Variants in RPS3A observed in about 807,000 individuals in gnomAD.
The protein encoded by RPS3A is ribosomal protein S3A, also known as small ribosomal subunit protein eS1.
In RPS3A, 1 loss-of-function variant was observed where a neutral mutation model predicts 26.4. That is an observed-to-expected ratio of 0.04 (90% CI 0.01 to 0.18). The LOEUF is 0.18. RPS3A is among the 10% of genes least tolerant of loss of function. The pLI, the probability that RPS3A is intolerant of heterozygous loss-of-function variation, is 1.00. For missense variants in RPS3A, 139 were observed against 326.8 expected, an observed-to-expected ratio of 0.43 and a Z score of 4.43; for synonymous variants, 97 against 106.1, an observed-to-expected ratio of 0.91 and a Z score of 0.53.
At chr4:151,099,825 G>A (rs1014554580) in intron 1 of RPS3A, 111 bp downstream of exon 1, 9 of 1,207,124 alleles carry the variant, frequency 7.5e-6, no homozygotes, top group Non-Finnish European at 1.1e-5. Context: ...CGGATTGTGC[G>A]GGCCGTGGCG....
chr4:151,103,807 CATGATTA>C, intron 4 of RPS3A: 1 of 1,356,874 alleles, frequency 7.4e-7, no homozygotes, highest in Non-Finnish European at 9.8e-7. Flanking sequence ...CAAAACCTTT[CATGATTA>C]ATGATGCACG....
At chr4:151,100,053 A>G (rs994485453) in intron 1 of RPS3A, 9 of 567,342 alleles carry the variant, frequency 1.6e-5, no homozygotes, top group Middle Eastern at 2.7e-4. Context: ...GCACCCTTCT[A>G]TCCATTCAGG....
At position 151,101,003 on chromosome 4, in the gene RPS3A, T is replaced by C. The variant is rs765469368; in HGVS notation, c.195T>C (p.Arg65=). ...TTGCATCTGATGGTCTCAAGGGTCG[T>C]GTGTTTGAAGTGAGTCTTGCTGATT... ...TKIASDGLKG[R]VFEVSLADLQ... Residue 65 remains arginine (R), a synonymous_variant, in exon 3 of 6, where the codon CGT becomes CGC. Coordinates refer to ENST00000274065, the MANE Select transcript of RPS3A (RefSeq NM_001006.5). 6.3e-7 allele frequency: 1 copy of C among 1,585,168 alleles called. No individual in the cohort carries two copies. The highest frequency in any genetic ancestry group is 1.1e-5 in the South Asian group (1 of 90,034).
In RPS3A at chr4:151,101,196, A is replaced by G. The variant is rs145965647; in HGVS notation, c.354+34A>G. ...CAAAGTTCCTTAGAGTGGTTGTGCT[A>G]TGGGTGTTTGACCAAGGATAGCATG... On this transcript the variant is annotated intron_variant, in intron 3 of 5. Transcript: ENST00000274065. 6,466 of 1,449,340 alleles carry G rather than the reference A, an allele frequency of 4.5e-3. 378 individuals are homozygous for G. In the Admixed American group the frequency reaches 0.1, roughly 23 times the overall value. The allele number at this position is 1,449,340 out of a possible 1,614,324, so 89.8% of individuals were successfully genotyped here.
At chr4:151,102,582 C>T (rs948060345) in intron 3 of RPS3A, among the ~76,000 whole-genome samples, 2 of 151,942 alleles carry the variant, frequency 1.3e-5, no homozygotes, top group African/African-American at 4.8e-5. Context: ...TATGTATATG[C>T]AATGGATGTG....
At chr4:151,103,383 A>G in intron 4 of RPS3A, 1 of 577,754 alleles carries the variant, frequency 1.7e-6, no homozygotes, top group Non-Finnish European at 2.4e-6. Flanking sequence ...CCTCCTGAGT[A>G]TCTGGGAATA....
Position 151,104,598 on chromosome 4 carries a change from C to T in RPS3A, c.*5C>T. 1.3e-6 allele frequency: 2 copies of T among 1,563,236 alleles called. No individual in the cohort carries two copies. The highest frequency in any genetic ancestry group is 2.4e-5 in the South Asian group (2 of 84,020). On this transcript the variant is annotated 3_prime_UTR_variant, in exon 6 of 6. Transcript: ENST00000274065. ...CCAGTCCAAGAATCTGTTTAAAGTT[C>T]AGACTTCAAATAGTGGCAAATAAAA...
intron 1 of RPS3A, chr4:151,100,087 G>C (rs1407286910): frequency 1.9e-6 from 1 of 530,158 alleles, no homozygotes; most frequent in East Asian, 4.7e-5. Context: ...GCCTTTGCTT[G>C]GTCCCGCTGG....
intron 4 of RPS3A, chr4:151,103,878 AT>A: frequency 1.4e-6 from 2 of 1,434,356 alleles, no homozygotes; most frequent in South Asian, 1.1e-5. Flanking sequence ...TGATAACAAC[AT>A]TTTTCTGATG....
chr4:151,099,976 G>GT (rs1331687399), intron 1 of RPS3A: 1 of 658,392 alleles, frequency 1.5e-6, no homozygotes, highest in African/African-American at 1.8e-5. Context: ...TGTTAGTTTT[G>GT]TGGGCTCACG....
In RPS3A at chr4:151,101,208, C is replaced by T. The variant is rs1241824270; in HGVS notation, c.354+46C>T. The stretch of plus-strand genomic sequence containing the variant: ...GAGTGGTTGTGCTATGGGTGTTTGA[C>T]CAAGGATAGCATGGTTTGATGACTG... On this transcript the variant is annotated intron_variant, in intron 3 of 5. Transcript: ENST00000274065. The T allele has an allele frequency of 4.1e-6, 5 of 1,233,690 alleles. No homozygotes were observed. The African/African-American group carries it at 4.5e-5, about 11-fold the overall frequency. 76.4% of individuals were successfully genotyped at this position (1,233,690 alleles called of 1,614,324 possible). A position where few individuals can be genotyped will look rare whatever the true frequency, so the allele number is the denominator to read the frequency against.
chr4:151,104,535 C>T lies in RPS3A; in HGVS notation c.737C>T (p.Thr246Ile). 6.4e-7 allele frequency: 1 copy of T among 1,555,358 alleles called. No homozygotes were observed. Among genetic ancestry groups the T allele is most frequent in the Non-Finnish European group, 8.6e-7 (1 of 1,166,612 alleles). Reference sequence around the variant, plus strand: ...TCTGGAAAAGCCACTGGGGACGAGACAGGTGCTAAAGTTGAACGAGCTGAT... The same window carrying T: ...TCTGGAAAAGCCACTGGGGACGAGATAGGTGCTAAAGTTGAACGAGCTGAT... ...SSSGKATGDE[T>I]GAKVERADGY... is the part of the protein sequence containing the mutation. The change falls in exon 6 of 6, where the codon ACA (threonine) becomes ATA (isoleucine). Residue 246 changes from threonine (T) to isoleucine (I), a missense_variant. Physicochemically the swap from Thr to Ile is moderately conservative, Grantham distance 89. Coordinates refer to ENST00000274065, the MANE Select transcript of RPS3A (RefSeq NM_001006.5).
chr4:151,099,936 A>T, intron 1 of RPS3A: 2 of 593,060 alleles, frequency 3.4e-6, no homozygotes, highest in Non-Finnish European at 6.3e-6. Context: ...GTCGCGTTTG[A>T]GCCGGCTTGC....
At chr4:151,101,763 T>G (rs1452656648) in intron 3 of RPS3A, among the ~76,000 whole-genome samples, 1 of 152,008 alleles carries the variant, frequency 6.6e-6, no homozygotes, top group Non-Finnish European at 1.5e-5. Context: ...GGAGATTGAG[T>G]CTCTTATCGT....
chr4:151,103,656 A>G, intron 4 of RPS3A: 1 of 1,075,662 alleles, frequency 9.3e-7, no homozygotes, highest in Non-Finnish European at 1.1e-6. Context: ...AGTCCCAGCT[A>G]CTCAGGAGGC....
chr4:151,100,081 T>C, intron 1 of RPS3A: 1 of 537,458 alleles, frequency 1.9e-6, no homozygotes, highest in Non-Finnish European at 3.6e-6. Flanking sequence ...AATCTCGCCT[T>C]TGCTTGGTCC....
At chr4:151,103,754 G>T in intron 4 of RPS3A, 1 of 1,217,454 alleles carries the variant, frequency 8.2e-7, no homozygotes, top group Non-Finnish European at 1.1e-6. Context: ...AAAAATATAC[G>T]TATATATATA....
At chr4:151,102,272 A>C (rs997509099) in intron 3 of RPS3A, 1 of 244,732 alleles carries the variant, frequency 4.1e-6, no homozygotes, top group African/African-American at 2.4e-5. Flanking sequence ...ACTACCCAAG[A>C]TGTTTTTTGT....
intron 3 of RPS3A, among the ~76,000 whole-genome samples, chr4:151,101,470 G>C (rs1040212068): frequency 1.3e-5 from 2 of 152,122 alleles, no homozygotes; most frequent in Non-Finnish European, 2.9e-5. Flanking sequence ...GGTTTTGCCT[G>C]TCTTAAGGAT....
Sources: gnomAD v4.1 joint callset for allele counts (sites outside exome capture counted in the v4.1 genomes callset) on GRCh38, gnomAD v4.1.1 for gene constraint, MANE v1.5 for transcripts, NCBI Gene and HGNC (gene_info 2026-07-23, HGNC 2026-07-21) for gene names.